Variants in CAST observed in about 807,000 individuals in gnomAD.
The protein encoded by CAST is calpastatin.
Under a neutral mutation model 119.6 loss-of-function variants are expected in CAST, and 76 were observed. That is an observed-to-expected ratio of 0.64 (90% CI 0.53 to 0.77). The LOEUF (loss-of-function observed/expected upper bound fraction) is 0.77. Ranked by LOEUF, CAST falls within the 30% of genes least tolerant of loss-of-function variation. The probability of loss-of-function intolerance (pLI) is 0.00; values close to 1 mark genes in which losing one functional copy is unlikely to be tolerated. For missense variants in CAST, 953 were observed against 946.5 expected (o/e 1.01, Z -0.09); for synonymous variants, 319 against 331.6 (o/e 0.96, Z 0.41).
At chr5:96,532,080 T>G (rs1745699211) in intron 1 of CAST, among the ~76,000 whole-genome samples, 1 of 151,758 alleles carries the variant, frequency 6.6e-6, no homozygotes, top group Admixed American at 6.6e-5. Context: ...AAGCAAGACC[T>G]CCCCATCTCA....
the CAST span, among the ~76,000 whole-genome samples, chr5:96,022,177 G>A: frequency 6.6e-6 from 1 of 152,122 alleles, no homozygotes. Context: ...CCAGGTTTTG[G>A]TATCTTTGGC....
chr5:96,728,232 C>T (rs768538780), intron 6 of CAST: 37 of 152,314 alleles, frequency 2.4e-4, no homozygotes, highest in Non-Finnish European at 4.5e-4. Context: ...AGCCCAGGTA[C>T]TTCAGGCACA....
chr5:96,107,162 C>T, the CAST span, among the ~76,000 whole-genome samples: 1 of 151,716 alleles, frequency 6.6e-6, no homozygotes. Context: ...ACTGATGGGT[C>T]TTGACTCTTT....
the CAST span, among the ~76,000 whole-genome samples, chr5:96,429,880 A>G: frequency 1.3e-5 from 2 of 152,116 alleles, no homozygotes. Context: ...CTTCTATTTT[A>G]CACACATTGG....
chr5:96,122,641 T>TTCTCAAAC, the CAST span, among the ~76,000 whole-genome samples: 1 of 152,160 alleles, frequency 6.6e-6, no homozygotes, highest in Non-Finnish European at 1.5e-5. Flanking sequence ...AGAAAGTTTA[T>TTCTCAAAC]TCTCAAACTT....
At chr5:96,360,559 T>G in the CAST span, among the ~76,000 whole-genome samples, 4 of 152,174 alleles carry the variant, frequency 2.6e-5, no homozygotes, top group African/African-American at 9.7e-5. Flanking sequence ...CCTTTCTGTT[T>G]GTTAGTTTTC....
chr5:96,216,376 A>G, the CAST span, among the ~76,000 whole-genome samples: 1 of 152,190 alleles, frequency 6.6e-6, no homozygotes, highest in Admixed American at 6.5e-5. Flanking sequence ...TAAGTAATAA[A>G]TTGCTTTTTA....
At chr5:96,255,396 A>G in the CAST span, among the ~76,000 whole-genome samples, 1 of 152,196 alleles carries the variant, frequency 6.6e-6, no homozygotes, top group African/African-American at 2.4e-5. Context: ...AAAAGTGACA[A>G]GGAAAGGCAC....
At chr5:96,073,117 C>A in the CAST span, among the ~76,000 whole-genome samples, 1 of 152,140 alleles carries the variant, frequency 6.6e-6, no homozygotes, top group African/African-American at 2.4e-5. Flanking sequence ...GTCTGTTATC[C>A]CTTTGATGCC....
Position 96,740,054 on chromosome 5 carries a change from C to A in CAST, c.815C>A (p.Thr272Asn). 1 of 1,571,160 alleles carries A rather than the reference C, an allele frequency of 6.4e-7. No individual in the cohort carries two copies. The highest frequency in any genetic ancestry group is 8.7e-7 in the Non-Finnish European group (1 of 1,147,400). ...TTGTTCCAGGATCCAATGAGTTCCACCTACATAGAGGAATTGGGTAAAAGA... is the reference window on the plus strand; with the variant it reads ...TTGTTCCAGGATCCAATGAGTTCCAACTACATAGAGGAATTGGGTAAAAGA... ...GPEVSDPMSSTYIEELGKREV... is the reference protein window; with the variant it reads ...GPEVSDPMSSNYIEELGKREV... The change falls in exon 12 of 32, where the codon ACC (threonine) becomes AAC (asparagine). Residue 272 changes from threonine to asparagine, a missense_variant. By Grantham distance (65) the Thr-to-Asn change is moderately conservative. Transcript: ENST00000675179.
the CAST span, among the ~76,000 whole-genome samples, chr5:96,180,802 A>G: frequency 1.3e-5 from 2 of 152,208 alleles, no homozygotes; most frequent in African/African-American, 4.8e-5. Context: ...CTTCATGTAA[A>G]CAGTGGATGC....
chr5:96,464,150 G>A, the CAST span, among the ~76,000 whole-genome samples: 2 of 151,806 alleles, frequency 1.3e-5, no homozygotes, highest in African/African-American at 4.8e-5. Flanking sequence ...AGATACCCAG[G>A]CTAGATGTGA....
At position 96,729,806 on chromosome 5, in the gene CAST, T is replaced by C; in HGVS notation, c.549+81T>C. ...GTTCCCCTGTTCACACTGAGGTGTG[T>C]AGTTCAATCTATGGGGCTGTGCTGA... is the stretch of plus-strand genomic sequence containing the variant. On this transcript the variant is annotated intron_variant, in intron 8 of 31. Coordinates refer to ENST00000675179, the MANE Select transcript of CAST (RefSeq NM_001750.7). The C allele has an allele frequency of 4.1e-6, 3 of 725,866 alleles. No homozygotes were observed. The South Asian group carries it at 4.5e-5, about 11-fold the overall frequency. 45.0% of individuals were successfully genotyped at this position (725,866 alleles called of 1,614,324 possible).
At chr5:96,384,857 A>G in the CAST span, among the ~76,000 whole-genome samples, 10 of 152,214 alleles carry the variant, frequency 6.6e-5, no homozygotes, top group African/African-American at 2.4e-4. Context: ...GCTAGTATAT[A>G]TAAAAGGCTA....
the CAST span, among the ~76,000 whole-genome samples, chr5:96,210,758 A>G: frequency 6.6e-6 from 1 of 152,078 alleles, no homozygotes; most frequent in Non-Finnish European, 1.5e-5. Context: ...AAACCTATAT[A>G]TCTATTTAGG....
the CAST span, among the ~76,000 whole-genome samples, chr5:96,361,354 G>A: frequency 6.6e-6 from 1 of 152,102 alleles, no homozygotes. Flanking sequence ...CTGTTTCGCT[G>A]GCATTCCAGG....
At chr5:96,373,856 C>T in the CAST span, among the ~76,000 whole-genome samples, 1 of 152,080 alleles carries the variant, frequency 6.6e-6, no homozygotes, top group Non-Finnish European at 1.5e-5. Flanking sequence ...AAGCAATCCT[C>T]CCAGCTCAGC....
the CAST span, among the ~76,000 whole-genome samples, chr5:96,483,417 A>G: frequency 6.6e-6 from 1 of 152,158 alleles, no homozygotes; most frequent in African/African-American, 2.4e-5. Context: ...TAAGTTCTCA[A>G]TTAATATCTA....
At chr5:96,648,168 C>G (rs1431576711) in intron 1 of CAST, among the ~76,000 whole-genome samples, 1 of 152,134 alleles carries the variant, frequency 6.6e-6, no homozygotes, top group Non-Finnish European at 1.5e-5. Context: ...GATGTTTTTA[C>G]TCAAGTTGTT....
Sources: gnomAD v4.1 joint callset for allele counts (sites outside exome capture counted in the v4.1 genomes callset) on GRCh38, gnomAD v4.1.1 for gene constraint, MANE v1.5 for transcripts, NCBI Gene and HGNC (gene_info 2026-07-23, HGNC 2026-07-21) for gene names.